The following RUFY3 variants were observed in gnomAD, a reference collection of about 807,000 sequenced individuals.
RUFY3 encodes the protein protein RUFY3.
In RUFY3, 34 loss-of-function variants were observed where a neutral mutation model predicts 84.0. That is an observed-to-expected ratio of 0.40 (90% confidence interval 0.31 to 0.54). The LOEUF (loss-of-function observed/expected upper bound fraction) is 0.54. Ranked by LOEUF, RUFY3 falls within the 20% of genes least tolerant of loss-of-function variation. The pLI is 0.39. For missense variants in RUFY3, 507 were observed against 736.8 expected, an observed-to-expected ratio of 0.69 and a Z score of 3.61; for synonymous variants, 242 against 252.9, an observed-to-expected ratio of 0.96 and a Z score of 0.41.
chr4:70,767,192 T>C (rs1726095714), intron 4 of RUFY3, among the ~76,000 whole-genome samples: 1 of 151,874 alleles, frequency 6.6e-6, no homozygotes. Flanking sequence ...TTCAAGTGAT[T>C]GTCCTGCCTC....
At chr4:70,717,566 AT>A (rs1291957995), upstream of RUFY3, among the ~76,000 whole-genome samples, 4 of 152,096 alleles carry the variant, frequency 2.6e-5, no homozygotes, top group South Asian at 2.1e-4. Flanking sequence ...AGGAAATTTC[AT>A]GAAGAGACTT....
chr4:70,706,491 G>A (rs1577869041), intron 1 of RUFY3, among the ~76,000 whole-genome samples: 1 of 152,110 alleles, frequency 6.6e-6, no homozygotes, highest in East Asian at 1.9e-4. Flanking sequence ...TTTCAGATGC[G>A]GAAGCTCGAT....
intron 5 of RUFY3, among the ~76,000 whole-genome samples, chr4:70,771,177 G>A (rs1578157303): frequency 1.3e-5 from 2 of 152,162 alleles, no homozygotes; most frequent in South Asian, 2.1e-4. Context: ...ATGTGAAACC[G>A]AGACATGAAG....
At position 70,722,292 on chromosome 4, in the gene RUFY3, A is replaced by G; in HGVS notation, c.-282A>G. 1 of 1,234,540 alleles carries G rather than the reference A, an allele frequency of 8.1e-7. No homozygotes were observed. The highest frequency in any genetic ancestry group is 1.0e-6 in the Non-Finnish European group (1 of 990,094). 76.5% of individuals were successfully genotyped at this position (1,234,540 alleles called of 1,614,324 possible). A position where few individuals can be genotyped will look rare whatever the true frequency, so the allele number is the denominator to read the frequency against. On this transcript the variant is annotated 5_prime_UTR_variant, in exon 1 of 18. Coordinates refer to ENST00000381006, the MANE Select transcript of RUFY3 (RefSeq NM_001037442.4). The stretch of plus-strand genomic sequence containing the variant: ...TGGGGGGCAGGGAAGGGAAGATAAA[A>G]GGAGAGGAAGCTGGGAGAAGACAAG...
chr4:70,732,892 G>A (rs527484954), intron 1 of RUFY3, among the ~76,000 whole-genome samples: 15 of 151,890 alleles, frequency 9.9e-5, no homozygotes, highest in East Asian at 1.9e-4. Flanking sequence ...CATGTACTCC[G>A]GAACTTAAAG....
In RUFY3 at chr4:70,765,209, G is replaced by GTGTGTATATATATATA. The variant is rs144995233; in HGVS notation, c.572+634_572+635insGTGTATATATATATAT. ...TCTCAAAAAAAAAAAAAAAAAATGTGTATATATATATATATATTTGTAAAA... is the reference window on the plus strand; with the variant it reads ...TCTCAAAAAAAAAAAAAAAAAATGTGTGTGTATATATATATATATATATATATATATATTTGTAAAA... On this transcript the variant is annotated intron_variant, in intron 4 of 17. Transcript: ENST00000381006. 2.6e-4 allele frequency among the ~76,000 whole-genome samples: 35 copies of GTGTGTATATATATATA among 137,208 alleles called. 1 individual carries two copies. The highest frequency in any genetic ancestry group is 9.0e-4 in the African/African-American group (33 of 36,790). The allele number at this position is 137,208 out of a possible 152,430, so 90.0% of individuals were successfully genotyped here.
intron 1 of RUFY3, among the ~76,000 whole-genome samples, chr4:70,745,449 GA>G (rs1722046438): frequency 1.3e-5 from 2 of 152,240 alleles, no homozygotes; most frequent in South Asian, 4.1e-4. Context: ...ATTAAATAAT[GA>G]AAGGCACATA....
intron 1 of RUFY3, among the ~76,000 whole-genome samples, chr4:70,716,515 A>G (rs1447976547): frequency 6.6e-6 from 1 of 152,122 alleles, no homozygotes; most frequent in Non-Finnish European, 1.5e-5. Flanking sequence ...GATAAACTAC[A>G]TATGCACACT....
Position 70,764,547 on chromosome 4 carries a change from A to G in RUFY3, c.543A>G (p.Lys181=), listed in dbSNP as rs1239081709. The change falls in exon 4 of 18, where the codon AAA becomes AAG. Residue 181 remains lysine (K), a synonymous_variant. Transcript: ENST00000381006. ...AAAAGAAACTTTCAGAATATATGAA[A>G]GCTTTGATCAATAAGAAAGAACTTC... The part of the protein sequence containing the change: ...LMQKKLSEYM[K]ALINKKELLS... The G allele has an allele frequency of 6.2e-7, 1 of 1,612,822 alleles. No individual in the cohort carries two copies. The highest frequency in any genetic ancestry group is 8.5e-7 in the Non-Finnish European group (1 of 1,179,198).
chr4:70,711,003 T>C (rs1740922177), intron 1 of RUFY3, among the ~76,000 whole-genome samples: 1 of 128,986 alleles, frequency 7.8e-6, no homozygotes, highest in Admixed American at 1.0e-4. Flanking sequence ...AGGCAGAGGT[T>C]ACAGTGAGCC....
rs1434278573 is a variant in RUFY3, at chr4:70,764,575, A to G, written c.571A>G (p.Ser191Gly). The change falls in exon 4 of 18, where the codon AGT becomes GGT. Residue 191 changes from serine (S) to glycine (G), a missense_variant and splice_region_variant. Physicochemically the swap from Ser to Gly is moderately conservative, Grantham distance 56. Coordinates refer to ENST00000381006, the MANE Select transcript of RUFY3 (RefSeq NM_001037442.4). ...KALINKKELL[S>G]EFYEPNALMM... ...TTTGATCAATAAGAAAGAACTTCTC[A>G]GGTATGAACACCTTCTTGAACTTTC... is the stretch of plus-strand genomic sequence containing the variant. 1 of 1,553,744 alleles carries G rather than the reference A, an allele frequency of 6.4e-7. No individual in the cohort carries two copies. Among genetic ancestry groups the G allele is most frequent in the African/African-American group, 1.4e-5 (1 of 73,610 alleles).
At chr4:70,728,330 G>T (rs1430275738) in intron 1 of RUFY3, among the ~76,000 whole-genome samples, 1 of 152,212 alleles carries the variant, frequency 6.6e-6, no homozygotes, top group Non-Finnish European at 1.5e-5. Flanking sequence ...GGCTGACTGG[G>T]AGCTGCGGCT....
Position 70,781,662 on chromosome 4 carries a change from C to T in RUFY3, c.895-1429C>T, listed in dbSNP as rs191119906. On this transcript the variant is annotated intron_variant, in intron 8 of 17. Transcript: ENST00000381006. ...AGACCTACTTGCCCAGAATTGGTTT[C>T]GTGCACATTTTTAGGCCACAGGATC... Among the ~76,000 whole-genome samples, 27 of 152,312 alleles carry T rather than the reference C, an allele frequency of 1.8e-4. No individual in the cohort carries two copies. In the East Asian group the frequency reaches 5.0e-3, roughly 28 times the overall value.
At position 70,808,115 on chromosome 4, in the gene RUFY3, C is replaced by A. The variant is rs1467724594; in HGVS notation, c.*1456C>A. Among the ~76,000 whole-genome samples the A allele has an allele frequency of 6.6e-6, 1 of 152,196 alleles. No individual in the cohort carries two copies. Among genetic ancestry groups the A allele is most frequent in the Non-Finnish European group, 1.5e-5 (1 of 68,034 alleles). On this transcript the variant is annotated 3_prime_UTR_variant, in exon 18 of 18. Coordinates refer to ENST00000381006, the MANE Select transcript of RUFY3 (RefSeq NM_001037442.4). ...TATACCTAATAAAATACCTACACAT[C>A]ACTTCATTTGCATGGATTCAACATA... is the stretch of plus-strand genomic sequence containing the variant.
intron 1 of RUFY3, among the ~76,000 whole-genome samples, chr4:70,731,478 G>C (rs1464292735): frequency 6.6e-6 from 1 of 152,166 alleles, no homozygotes; most frequent in East Asian, 1.9e-4. Flanking sequence ...ATAGTACACT[G>C]CTGAAACTGA....
intron 4 of RUFY3, among the ~76,000 whole-genome samples, 176 bp downstream of exon 4, chr4:70,764,752 G>A (rs545136936): frequency 1.8e-4 from 27 of 152,130 alleles, no homozygotes; most frequent in Admixed American, 8.5e-4. Flanking sequence ...TTTATGTTAT[G>A]TGTGTTCTGT....
At chr4:70,774,648 T>A (rs7697087) in intron 6 of RUFY3, among the ~76,000 whole-genome samples, 292 of 88,750 alleles carry the variant, frequency 3.3e-3, no homozygotes, top group African/African-American at 8.6e-3. Flanking sequence ...AAAAAAAATA[T>A]ATATATATAT....
intron 13 of RUFY3, 65 bp downstream of exon 13, chr4:70,793,969 A>C: frequency 1.3e-6 from 2 of 1,564,178 alleles, no homozygotes; most frequent in Non-Finnish European, 1.7e-6. Flanking sequence ...GACAGCAAGA[A>C]AAGGGGTCTC....
At chr4:70,783,562 A>G (rs1025869967) in intron 9 of RUFY3, among the ~76,000 whole-genome samples, 1 of 152,260 alleles carries the variant, frequency 6.6e-6, no homozygotes, top group East Asian at 1.9e-4. Context: ...AAGAGCTACC[A>G]TATAAATGTA....
Sources: allele counts gnomAD v4.1 joint callset (sites outside exome capture counted in the v4.1 genomes callset), GRCh38; gene constraint gnomAD v4.1.1; transcripts MANE v1.5; gene names NCBI Gene and HGNC (gene_info 2026-07-23, HGNC 2026-07-21).